ZNF454: variants seen among roughly 807,000 people sequenced by gnomAD.
ZNF454 encodes the protein zinc finger protein 454.
Under a neutral mutation model 48.2 loss-of-function variants are expected in ZNF454, and 30 were observed. That is an observed-to-expected ratio of 0.62 (90% CI 0.47 to 0.84). ZNF454 has a LOEUF of 0.84. Ranked by LOEUF, ZNF454 falls within the 40% of genes least tolerant of loss-of-function variation. The pLI, the probability that ZNF454 is intolerant of heterozygous loss-of-function variation, is 0.00. For synonymous variants in ZNF454, 204 were observed against 211.4 expected (o/e 0.97, Z 0.30); for missense variants, 510 against 623.1 (o/e 0.82, Z 1.93).
At chr5:178,969,689 A>G (rs1760212601), downstream of ZNF454, 1 of 456,304 alleles carries the variant, frequency 2.2e-6, no homozygotes, top group Non-Finnish European at 4.4e-6. Flanking sequence ...GGGCCATAGA[A>G]AAAGGTAAGA....
intron 4 of ZNF454, among the ~76,000 whole-genome samples, chr5:178,948,615 A>C (rs1213975729): frequency 6.6e-6 from 1 of 151,960 alleles, no homozygotes; most frequent in Non-Finnish European, 1.5e-5. Context: ...CCCTGCCCAC[A>C]CTCTGTTCCC....
the ZNF454 span, among the ~76,000 whole-genome samples, chr5:178,984,738 C>A: frequency 6.6e-6 from 1 of 152,112 alleles, no homozygotes; most frequent in Non-Finnish European, 1.5e-5. Context: ...GGGAGCACCT[C>A]CTAGTCACGG....
chr5:178,965,531 G>A lies in ZNF454; in HGVS notation c.1127G>A (p.Arg376Lys), dbSNP rs370913285. 1 of 1,613,906 alleles carries A rather than the reference G, an allele frequency of 6.2e-7. No homozygotes were observed. The highest frequency in any genetic ancestry group is 1.1e-5 in the South Asian group (1 of 91,088). The change falls in exon 5 of 5, where the codon AGA becomes AAA. Residue 376 changes from arginine (R) to lysine (K), a missense_variant. This residue lies in a region of ZNF454 where 153 missense variants were observed against 195.8 expected (regional missense o/e 0.78). Coordinates refer to ENST00000519564, the MANE Select transcript of ZNF454 (RefSeq NM_001178089.3). The surrounding 1 kb of genome is among the most constrained non-coding windows in gnomAD (Gnocchi z 5.2). ...RVNSSLTEHQ[R>K]IHTGEKPYKC... ...AACTCTTCCCTTACTGAACATCAGAGAATTCATACTGGAGAGAAACCTTAT... is the reference window on the plus strand; with the variant it reads ...AACTCTTCCCTTACTGAACATCAGAAAATTCATACTGGAGAGAAACCTTAT...
the ZNF454 span, chr5:178,989,812 C>A: frequency 3.1e-6 from 1 of 321,894 alleles, no homozygotes; most frequent in East Asian, 8.0e-5. Flanking sequence ...AGACCATAAG[C>A]AGGAAGACCC....
intron 4 of ZNF454, among the ~76,000 whole-genome samples, chr5:178,962,448 G>A (rs556269727): frequency 4.9e-4 from 74 of 151,034 alleles, no homozygotes; most frequent in African/African-American, 1.7e-3. Flanking sequence ...GTTTTACTAT[G>A]GATATTTTCT....
chr5:178,960,192 C>T (rs1343917855), intron 4 of ZNF454, among the ~76,000 whole-genome samples: 2 of 151,566 alleles, frequency 1.3e-5, no homozygotes, highest in Non-Finnish European at 2.9e-5. Context: ...CTCAAGCGGT[C>T]CTCCTGCCTT....
the ZNF454 span, chr5:178,986,767 AAC>A: frequency 1.2e-6 from 2 of 1,609,964 alleles, no homozygotes; most frequent in East Asian, 2.2e-5. Context: ...GGACGCACAA[AAC>A]ACAGGCTGGG....
In ZNF454 at chr5:178,964,943, G is replaced by T; in HGVS notation, c.539G>T (p.Cys180Phe). ...CAACCTAGCAAAAATGCCTTTGAGT[G>T]TAGTGAGTGTGGAAAAGTCTTCTCT... ...GFQPSKNAFE[C>F]SECGKVFSKS... The change falls in exon 5 of 5, where the codon TGT becomes TTT. Residue 180 changes from cysteine to phenylalanine, a missense_variant. This residue lies in a region of ZNF454 where 354 missense variants were observed against 408.9 expected (regional missense o/e 0.87). Coordinates refer to ENST00000519564, the MANE Select transcript of ZNF454 (RefSeq NM_001178089.3). The T allele has an allele frequency of 6.2e-7, 1 of 1,614,208 alleles. No individual in the cohort carries two copies. Among genetic ancestry groups the T allele is most frequent in the Non-Finnish European group, 8.5e-7 (1 of 1,180,040 alleles).
intron 4 of ZNF454, among the ~76,000 whole-genome samples, chr5:178,958,657 G>C (rs1045741423): frequency 1.3e-5 from 2 of 152,210 alleles, no homozygotes; most frequent in African/African-American, 4.8e-5. Flanking sequence ...GAGCCAAATA[G>C]TTTTCCGAAG....
At chr5:178,974,350 C>T in the ZNF454 span, among the ~76,000 whole-genome samples, 6 of 151,884 alleles carry the variant, frequency 4.0e-5, no homozygotes, top group East Asian at 1.9e-4. Flanking sequence ...GATGGAGTCT[C>T]GCTGTGTCGC....
chr5:178,973,525 A>T, the ZNF454 span, among the ~76,000 whole-genome samples: 1 of 152,128 alleles, frequency 6.6e-6, no homozygotes, highest in South Asian at 2.1e-4. Flanking sequence ...TCCAGTTTTT[A>T]GTGTCTTTAC....
chr5:178,986,683 G>T, the ZNF454 span: 2 of 1,603,710 alleles, frequency 1.2e-6, no homozygotes, highest in African/African-American at 2.7e-5. Flanking sequence ...CCGCTCCCCC[G>T]GCCCGCAGGG....
downstream of ZNF454, among the ~76,000 whole-genome samples, chr5:178,968,105 T>TCTCACACACA (rs377303113): frequency 6.9e-6 from 1 of 145,000 alleles, no homozygotes. Flanking sequence ...CATCTGTGCA[T>TCTCACACACA]CACACACACA....
At chr5:178,979,367 C>T in the ZNF454 span, 1 of 152,230 alleles carries the variant, frequency 6.6e-6, no homozygotes, top group African/African-American at 2.4e-5. Flanking sequence ...AGGAGAGAAA[C>T]CTTGTGAAGG....
At chr5:178,976,187 C>T in the ZNF454 span, 756 of 426,894 alleles carry the variant, frequency 1.8e-3, 10 homozygotes, top group African/African-American at 0.014. Flanking sequence ...ACTGGATTGC[C>T]CTATTCAAAA....
downstream of ZNF454, chr5:178,968,639 G>A (rs958030423): frequency 1.6e-5 from 6 of 376,160 alleles, no homozygotes; most frequent in Non-Finnish European, 2.7e-5. Context: ...AGATTCCAGA[G>A]TAAACCTGAA....
At chr5:178,952,913 C>T (rs1381813917) in intron 4 of ZNF454, among the ~76,000 whole-genome samples, 1 of 151,632 alleles carries the variant, frequency 6.6e-6, no homozygotes, top group African/African-American at 2.4e-5. Flanking sequence ...TTTTTTCCCC[C>T]TTTTCTTTAT....
chr5:178,986,803 C>G, the ZNF454 span: 5 of 1,612,582 alleles, frequency 3.1e-6, no homozygotes, highest in Non-Finnish European at 4.2e-6. Flanking sequence ...GGATCCTGGG[C>G]CCATGCCCAC....
intron 4 of ZNF454, among the ~76,000 whole-genome samples, chr5:178,955,648 A>G (rs1457378949): frequency 6.6e-6 from 1 of 152,190 alleles, no homozygotes; most frequent in Non-Finnish European, 1.5e-5. Flanking sequence ...CTTTCCTTAT[A>G]ACATCTCTGT....
Sources: gnomAD v4.1 joint callset for allele counts (sites outside exome capture counted in the v4.1 genomes callset) on GRCh38, gnomAD v4.1.1 for gene constraint, gnomAD v4.1.1 regional missense constraint, Gnocchi (gnomAD v3.1) non-coding constraint, MANE v1.5 for transcripts, NCBI Gene and HGNC (gene_info 2026-07-23, HGNC 2026-07-21) for gene names.